The following CCDC169 variants were observed in gnomAD, a reference collection of about 807,000 sequenced individuals.
CCDC169 encodes the protein coiled-coil domain-containing protein 169.
Under a neutral mutation model 36.0 loss-of-function variants are expected in CCDC169, and 30 were observed. The ratio of observed to expected loss-of-function variants is 0.83; its 90% confidence interval spans 0.62 to 1.13. CCDC169 has a LOEUF of 1.13. CCDC169 is among the 50% of genes most tolerant of loss of function. The pLI is 0.00. For synonymous variants in CCDC169, 85 were observed against 81.5 expected (o/e 1.04, Z -0.23); for missense variants, 245 against 245.9 (o/e 1.00, Z 0.03).
chr13:36,272,832 A>C (rs577399437), intron 4 of CCDC169, among the ~76,000 whole-genome samples: 10 of 152,202 alleles, frequency 6.6e-5, no homozygotes, highest in African/African-American at 2.2e-4. Flanking sequence ...CAGAAAATAG[A>C]CTCCTAACTG....
chr13:36,231,033 G>T lies in CCDC169; in HGVS notation c.*160C>A. On this transcript the variant is annotated 3_prime_UTR_variant, in exon 8 of 8. Transcript: ENST00000239859. ...GGTCACTGGAGAAAATTACTTTTAT[G>T]CAGACAAAGGAACACACGTCTGGAA... 1 of 1,405,572 alleles carries T rather than the reference G, an allele frequency of 7.1e-7. No individual in the cohort carries two copies. Among genetic ancestry groups the T allele is most frequent in the Non-Finnish European group, 9.2e-7 (1 of 1,083,940 alleles). 87.1% of individuals were successfully genotyped at this position (1,405,572 alleles called of 1,614,324 possible).
intron 2 of CCDC169, among the ~76,000 whole-genome samples, chr13:36,289,271 C>T (rs909058076): frequency 1.3e-5 from 2 of 152,326 alleles, no homozygotes; most frequent in South Asian, 2.1e-4. Flanking sequence ...GAGATGACAG[C>T]TCTCTCCTTC....
Position 36,248,689 on chromosome 13 carries a change from T to C in CCDC169, c.469-7A>G. The stretch of plus-strand genomic sequence containing the variant: ...CTTGATGTAAACCAGAACCCTGAAA[T>C]ACAAAAATTTGAGTGTTTATCCCCT... On this transcript the variant is annotated splice_polypyrimidine_tract_variant and splice_region_variant and intron_variant, in intron 6 of 7. Transcript: ENST00000239859. The C allele has an allele frequency of 1.3e-6, 2 of 1,549,058 alleles. No homozygotes were observed. Among genetic ancestry groups the C allele is most frequent in the Non-Finnish European group, 1.7e-6 (2 of 1,145,448 alleles).
chr13:36,238,626 T>C (rs940145098), intron 7 of CCDC169, among the ~76,000 whole-genome samples: 1 of 152,180 alleles, frequency 6.6e-6, no homozygotes, highest in Non-Finnish European at 1.5e-5. Flanking sequence ...ATATTTATTA[T>C]TTATAGTACT....
intron 7 of CCDC169, chr13:36,244,671 AGAAG>A (rs71771388): frequency 0.59 from 88,648 of 150,594 alleles, 26,632 homozygotes; most frequent in Non-Finnish European, 0.66. Context: ...GAGGAAGGAA[AGAAG>A]GAAGGAAGGA....
intron 4 of CCDC169, among the ~76,000 whole-genome samples, chr13:36,273,733 AT>A (rs1259279383): frequency 6.6e-6 from 1 of 152,174 alleles, no homozygotes; most frequent in African/African-American, 2.4e-5. Context: ...TTTATTTAAA[AT>A]TTTTTTGTAA....
At chr13:36,294,841 G>A (rs1566094718) in intron 2 of CCDC169, among the ~76,000 whole-genome samples, 1 of 152,052 alleles carries the variant, frequency 6.6e-6, no homozygotes, top group Non-Finnish European at 1.5e-5. Flanking sequence ...TTTTCACAGT[G>A]CTTTTCCATA....
chr13:36,294,778 T>G (rs1391881993), intron 2 of CCDC169, among the ~76,000 whole-genome samples: 1 of 152,086 alleles, frequency 6.6e-6, no homozygotes, highest in Non-Finnish European at 1.5e-5. Flanking sequence ...AGGGGGTACG[T>G]GACTGGGGGC....
chr13:36,228,941 A>G (rs1870134499), downstream of CCDC169, among the ~76,000 whole-genome samples: 1 of 152,226 alleles, frequency 6.6e-6, no homozygotes, highest in African/African-American at 2.4e-5. Context: ...AAAGGAAAGC[A>G]GTCATTGCTT....
intron 4 of CCDC169, among the ~76,000 whole-genome samples, chr13:36,282,142 C>A (rs1230550789): frequency 1.3e-5 from 2 of 152,030 alleles, no homozygotes; most frequent in Admixed American, 6.6e-5. Flanking sequence ...GTACAGATTA[C>A]TCCTAAACAC....
At position 36,284,984 on chromosome 13, in the gene CCDC169, C is replaced by T. The variant is rs574133700; in HGVS notation, c.164-1282G>A. On this transcript the variant is annotated intron_variant, in intron 2 of 7. Coordinates refer to ENST00000239859, the MANE Select transcript of CCDC169 (RefSeq NM_001144981.3). Reference sequence around the variant, plus strand: ...GAAAGGTACAAGAAGAAAGGAGAAGCCCTGAAAGACTAAACATTTACCCAA... The same window carrying T: ...GAAAGGTACAAGAAGAAAGGAGAAGTCCTGAAAGACTAAACATTTACCCAA... Among the ~76,000 whole-genome samples, 10 of 152,212 alleles carry T rather than the reference C, an allele frequency of 6.6e-5. No homozygotes were observed. The South Asian group carries it at 1.5e-3, about 22-fold the overall frequency.
intron 7 of CCDC169, among the ~76,000 whole-genome samples, chr13:36,239,672 T>A (rs920718759): frequency 5.9e-5 from 9 of 152,192 alleles, no homozygotes; most frequent in African/African-American, 1.9e-4. Context: ...GTTTCATCTC[T>A]TCATCTTATG....
At chr13:36,286,622 C>T (rs959810181) in intron 2 of CCDC169, among the ~76,000 whole-genome samples, 1 of 152,130 alleles carries the variant, frequency 6.6e-6, no homozygotes, top group Non-Finnish European at 1.5e-5. Flanking sequence ...CTCTTTCTCT[C>T]TCTCTTTCCC....
intron 7 of CCDC169, among the ~76,000 whole-genome samples, chr13:36,242,987 A>C (rs1872032758): frequency 6.6e-6 from 1 of 152,236 alleles, no homozygotes; most frequent in Non-Finnish European, 1.5e-5. Context: ...GTGGACAAGT[A>C]TCTTAGCCAT....
At chr13:36,281,054 G>T in intron 4 of CCDC169, 1 of 307,330 alleles carries the variant, frequency 3.3e-6, no homozygotes, top group Non-Finnish European at 6.3e-6. Context: ...AGACGTGACC[G>T]GCTTTCACCT....
Position 36,297,810 on chromosome 13 carries a change from G to A in CCDC169, c.-91C>T. ...CACCCAGAAGCCAGTACGGCACGAG[G>A]CGGTGAACCCCAACCGCCCCCCGGT... On this transcript the variant is annotated 5_prime_UTR_variant, in exon 1 of 8. Coordinates refer to ENST00000239859, the MANE Select transcript of CCDC169 (RefSeq NM_001144981.3). The A allele has an allele frequency of 1.6e-6, 2 of 1,262,594 alleles. No individual in the cohort carries two copies. Among genetic ancestry groups the A allele is most frequent in the Non-Finnish European group, 2.2e-6 (2 of 896,040 alleles). 78.2% of individuals were successfully genotyped at this position (1,262,594 alleles called of 1,614,324 possible).
At chr13:36,227,713 C>A (rs1022137920), downstream of CCDC169, among the ~76,000 whole-genome samples, 1 of 152,100 alleles carries the variant, frequency 6.6e-6, no homozygotes, top group Non-Finnish European at 1.5e-5. Flanking sequence ...TTAGAGTATA[C>A]AATAGTTTTC....
At chr13:36,251,793 C>T (rs935487767) in intron 6 of CCDC169, among the ~76,000 whole-genome samples, 2 of 152,082 alleles carry the variant, frequency 1.3e-5, no homozygotes, top group African/African-American at 4.8e-5. Context: ...AAGAGGAAGG[C>T]TAAGGCAAGT....
chr13:36,280,793 ATATG>A (rs1877414813), intron 4 of CCDC169: 1 of 152,310 alleles, frequency 6.6e-6, no homozygotes, highest in African/African-American at 2.4e-5. Flanking sequence ...TGTTGAACGA[ATATG>A]TATGAATGAA....
Sources: gnomAD v4.1 joint callset for allele counts (sites outside exome capture counted in the v4.1 genomes callset) on GRCh38, gnomAD v4.1.1 for gene constraint, MANE v1.5 for transcripts, NCBI Gene and HGNC (gene_info 2026-07-23, HGNC 2026-07-21) for gene names.